SHANK2: variants seen among roughly 807,000 people sequenced by gnomAD.
SHANK2 encodes the protein SH3 and multiple ankyrin repeat domains 2, also known as SH3 and multiple ankyrin repeat domains protein 2.
A neutral mutation model predicts 133.7 loss-of-function variants in SHANK2; 43 were observed. The ratio of observed to expected loss-of-function variants is 0.32; its 90% CI spans 0.25 to 0.41. The LOEUF (loss-of-function observed/expected upper bound fraction) is 0.41. Ranked by LOEUF, SHANK2 falls within the 10% of genes least tolerant of loss-of-function variation. SHANK2 has a pLI of 1.00. For missense variants in SHANK2, 1,994 were observed against 2,235.8 expected, an observed-to-expected ratio of 0.89 and a Z score of 2.18; for synonymous variants, 1,017 against 952.8, an observed-to-expected ratio of 1.07 and a Z score of -1.24.
chr11:70,779,557 C>T (rs1555044693), intron 14 of SHANK2, among the ~76,000 whole-genome samples: 2 of 152,130 alleles, frequency 1.3e-5, no homozygotes, highest in East Asian at 1.9e-4. Context: ...CTGTGACTAA[C>T]GACACTTCTG....
intron 2 of SHANK2, among the ~76,000 whole-genome samples, chr11:71,172,070 G>A (rs1436499046): frequency 6.6e-6 from 1 of 152,130 alleles, no homozygotes; most frequent in Non-Finnish European, 1.5e-5. Context: ...GAACAAGGTG[G>A]CAGACTTCAT....
chr11:71,073,292 G>A (rs1380703876), intron 9 of SHANK2, among the ~76,000 whole-genome samples: 1 of 151,286 alleles, frequency 6.6e-6, no homozygotes, highest in Admixed American at 6.6e-5. Flanking sequence ...CCGAGTCGCT[G>A]GGATTACAGG....
intron 2 of SHANK2, among the ~76,000 whole-genome samples, chr11:71,148,426 C>T (rs1555107213): frequency 6.6e-6 from 1 of 152,186 alleles, no homozygotes; most frequent in Non-Finnish European, 1.5e-5. Context: ...TGGGAACAGC[C>T]ATCCACTATT....
rs71049962 is a variant in SHANK2, at chr11:71,210,210, G to GTATATATATA, written c.-13+14477_-13+14486dup. Among the ~76,000 whole-genome samples the GTATATATATA allele has an allele frequency of 4.6e-3, 246 of 53,850 alleles. 1 individual carries two copies. Among genetic ancestry groups the GTATATATATA allele is most frequent in the Non-Finnish European group, 5.1e-3 (157 of 30,906 alleles). The allele number at this position is 53,850 out of a possible 152,430, so 35.3% of individuals were successfully genotyped here. On this transcript the variant is annotated intron_variant, in intron 2 of 25. Transcript: ENST00000601538. Reference sequence around the variant, plus strand: ...GGTCCTCTTCATTGGAAATCCACAGGTATATATATATATATATATATATAT... The same window carrying GTATATATATA: ...GGTCCTCTTCATTGGAAATCCACAGGTATATATATATATATATATATATATATATATATAT...
At chr11:70,786,103 G>C (rs1200049651) in intron 14 of SHANK2, among the ~76,000 whole-genome samples, 1 of 152,196 alleles carries the variant, frequency 6.6e-6, no homozygotes, top group Non-Finnish European at 1.5e-5. Context: ...AACACCAGGA[G>C]TAACTTTCAA....
intron 6 of SHANK2, among the ~76,000 whole-genome samples, chr11:71,105,402 A>AG (rs1555097599): frequency 6.6e-6 from 1 of 151,862 alleles, no homozygotes; most frequent in Admixed American, 6.6e-5. Flanking sequence ...AGCCCAGCCT[A>AG]GCCAACATGG....
At chr11:70,862,733 G>A (rs1949281192) in intron 11 of SHANK2, 1 of 180,130 alleles carries the variant, frequency 5.6e-6, no homozygotes, top group Admixed American at 5.5e-5. Context: ...TGAACAAAGA[G>A]GGAAATCTAT....
chr11:70,708,361 C>G (rs1555025403), intron 14 of SHANK2, among the ~76,000 whole-genome samples: 2 of 152,170 alleles, frequency 1.3e-5, no homozygotes, highest in Non-Finnish European at 2.9e-5. Flanking sequence ...ATGGACTGCC[C>G]TGGACACTGC....
chr11:70,768,622 G>A (rs1591827480), intron 14 of SHANK2, among the ~76,000 whole-genome samples: 1 of 152,192 alleles, frequency 6.6e-6, no homozygotes, highest in Admixed American at 6.5e-5. Context: ...ACCACAGCCT[G>A]CACCCCTGAG....
intron 14 of SHANK2, among the ~76,000 whole-genome samples, chr11:70,711,819 C>CA (rs1178412681): frequency 2.0e-5 from 3 of 152,242 alleles, no homozygotes; most frequent in Admixed American, 2.0e-4. Context: ...GATCATTCAT[C>CA]AAGCACCTTC....
chr11:70,497,517 C>T (rs2058988236), intron 21 of SHANK2, among the ~76,000 whole-genome samples: 1 of 152,192 alleles, frequency 6.6e-6, no homozygotes, highest in Admixed American at 6.5e-5. Flanking sequence ...CAGCAGTCAC[C>T]CGCATTTCAG....
chr11:70,942,810 C>T (rs782068173), intron 10 of SHANK2: 1 of 456,592 alleles, frequency 2.2e-6, no homozygotes, highest in Non-Finnish European at 4.4e-6. Flanking sequence ...GTTAACACTG[C>T]CACTCAGTGG....
At chr11:70,636,808 G>A (rs193078782) in intron 17 of SHANK2, among the ~76,000 whole-genome samples, 22 of 152,268 alleles carry the variant, frequency 1.4e-4, no homozygotes, top group Admixed American at 2.0e-4. Context: ...GTGTGAACAT[G>A]TGTGTGGGCA....
chr11:71,143,829 G>A (rs1156429743), intron 3 of SHANK2, among the ~76,000 whole-genome samples: 1 of 151,964 alleles, frequency 6.6e-6, no homozygotes, highest in Non-Finnish European at 1.5e-5. Context: ...GGGCTTGTAG[G>A]AATCGAACAC....
intron 17 of SHANK2, among the ~76,000 whole-genome samples, chr11:70,599,863 AAAAGAAAGAAAG>A (rs797024328): frequency 1.5e-5 from 1 of 68,250 alleles, no homozygotes; most frequent in Admixed American, 1.6e-4. Context: ...GAAAGAAATA[AAAAGAAAGAAAG>A]AAAGAAAGAA....
intron 17 of SHANK2, among the ~76,000 whole-genome samples, chr11:70,555,436 CTAGAAGGAAAT>C (rs2059816802): frequency 6.6e-6 from 1 of 152,226 alleles, no homozygotes; most frequent in Admixed American, 6.5e-5. Context: ...AGGAAAAGAT[CTAGAAGGAAAT>C]TAAAAGTGCT....
At chr11:70,736,460 G>A (rs1354294475) in intron 14 of SHANK2, among the ~76,000 whole-genome samples, 1 of 152,160 alleles carries the variant, frequency 6.6e-6, no homozygotes, top group African/African-American at 2.4e-5. Context: ...AATGATACGT[G>A]TTCTTCTGAG....
At chr11:70,628,630 C>T (rs1243640350) in intron 17 of SHANK2, among the ~76,000 whole-genome samples, 1 of 152,234 alleles carries the variant, frequency 6.6e-6, no homozygotes, top group Non-Finnish European at 1.5e-5. Context: ...GCCCCATGCT[C>T]ACTCCACACC....
intron 2 of SHANK2, among the ~76,000 whole-genome samples, chr11:71,164,158 G>A (rs548749281): frequency 6.6e-6 from 1 of 152,288 alleles, no homozygotes; most frequent in East Asian, 1.9e-4. Context: ...TCTGGCTCCT[G>A]GGTTGTGAAT....
Sources: allele counts gnomAD v4.1 joint callset (sites outside exome capture counted in the v4.1 genomes callset), GRCh38; gene constraint gnomAD v4.1.1; transcripts MANE v1.5; gene names NCBI Gene and HGNC (gene_info 2026-07-23, HGNC 2026-07-21).